Variants in CHRM3 observed in about 807,000 individuals in gnomAD.
CHRM3 encodes the protein cholinergic receptor muscarinic 3.
Under a neutral mutation model 41.8 loss-of-function variants are expected in CHRM3, and 11 were observed. The observed-to-expected ratio is 0.26, with a 90% CI of 0.17 to 0.44. The LOEUF is 0.44. CHRM3 is among the 20% of genes least tolerant of loss of function. The probability of loss-of-function intolerance (pLI) is 1.00; values close to 1 mark genes in which losing one functional copy is unlikely to be tolerated. For synonymous variants in CHRM3, 297 were observed against 301.4 expected, an observed-to-expected ratio of 0.99 and a Z score of 0.15; for missense variants, 571 against 745.4, an observed-to-expected ratio of 0.77 and a Z score of 2.72.
chr1:239,410,326 C>A (rs565779131), intron 1 of CHRM3, among the ~76,000 whole-genome samples: 1 of 152,268 alleles, frequency 6.6e-6, no homozygotes, highest in African/African-American at 2.4e-5. Context: ...TTCTCCTAAG[C>A]AGCTTTCCGC....
intron 5 of CHRM3, among the ~76,000 whole-genome samples, chr1:239,774,333 T>C (rs533535666): frequency 6.6e-6 from 1 of 152,288 alleles, no homozygotes; most frequent in African/African-American, 2.4e-5. Flanking sequence ...ATAGTCGTAG[T>C]AGGAATACCT....
intron 1 of CHRM3, among the ~76,000 whole-genome samples, chr1:239,407,845 AAAGG>A (rs1436773043): frequency 6.6e-6 from 1 of 152,224 alleles, no homozygotes; most frequent in Non-Finnish European, 1.5e-5. Flanking sequence ...TATACATTAA[AAAGG>A]AAGTAAAGAA....
chr1:239,722,569 T>C (rs1272637423), intron 5 of CHRM3, among the ~76,000 whole-genome samples: 1 of 151,970 alleles, frequency 6.6e-6, no homozygotes, highest in African/African-American at 2.4e-5. Context: ...TTTTTCTTCA[T>C]TGCATTATTA....
chr1:239,741,221 C>T (rs935161446), intron 5 of CHRM3, among the ~76,000 whole-genome samples: 1 of 152,066 alleles, frequency 6.6e-6, no homozygotes. Context: ...ATGTTTTGAT[C>T]TGGTGAAGAT....
intron 3 of CHRM3, among the ~76,000 whole-genome samples, chr1:239,554,369 AC>A: frequency 6.6e-6 from 1 of 152,244 alleles, no homozygotes; most frequent in Non-Finnish European, 1.5e-5. Flanking sequence ...CAAACTATAG[AC>A]AAAGTGCCTG....
chr1:239,528,841 C>T (rs1033841789), intron 2 of CHRM3, among the ~76,000 whole-genome samples: 14 of 151,776 alleles, frequency 9.2e-5, no homozygotes, highest in East Asian at 3.9e-4. Flanking sequence ...TGCAGTGAGC[C>T]GAGATCACAC....
chr1:239,638,303 G>T (rs1670712351), intron 4 of CHRM3, among the ~76,000 whole-genome samples: 2 of 151,926 alleles, frequency 1.3e-5, no homozygotes, highest in Admixed American at 6.6e-5. Context: ...GGGTCAAATG[G>T]TATTTCTAGT....
chr1:239,725,510 A>G (rs955178427), intron 5 of CHRM3, among the ~76,000 whole-genome samples: 1 of 151,970 alleles, frequency 6.6e-6, no homozygotes, highest in Non-Finnish European at 1.5e-5. Context: ...AAAATGTCTC[A>G]CTGAATAAAT....
intron 5 of CHRM3, among the ~76,000 whole-genome samples, chr1:239,757,516 G>T (rs112780390): frequency 0.016 from 2,435 of 152,032 alleles, 66 homozygotes; most frequent in African/African-American, 0.056. Context: ...TGTAGTCCCA[G>T]GTACTCGGGA....
In CHRM3 at chr1:239,861,440, C is replaced by T. The variant is rs150496011; in HGVS notation, c.-20+34062C>T. On this transcript the variant is annotated intron_variant, in intron 6 of 6. Transcript: ENST00000676153. ...AGGGAGAGGAAATAGTACAAGCAGA[C>T]GATATGGTAAAAAAGAAACATGACC... 5.5e-4 allele frequency among the ~76,000 whole-genome samples: 84 copies of T among 151,830 alleles called. 1 individual carries two copies. The highest frequency in any genetic ancestry group is 4.7e-3 in the East Asian group (24 of 5,132).
chr1:239,493,840 G>A (rs889119117), intron 2 of CHRM3, among the ~76,000 whole-genome samples: 4 of 152,134 alleles, frequency 2.6e-5, no homozygotes, highest in Non-Finnish European at 5.9e-5. Context: ...TGAACCTGAT[G>A]CAGGAAAGGC....
At chr1:239,710,541 A>G (rs1661665741) in intron 5 of CHRM3, among the ~76,000 whole-genome samples, 3 of 152,088 alleles carry the variant, frequency 2.0e-5, no homozygotes, top group South Asian at 4.1e-4. Flanking sequence ...GCAGGAGGGT[A>G]TGAGGAGATG....
chr1:239,609,729 A>G (rs1027986304), intron 3 of CHRM3, among the ~76,000 whole-genome samples: 3 of 152,114 alleles, frequency 2.0e-5, no homozygotes, highest in Non-Finnish European at 4.4e-5. Flanking sequence ...GCATTTCCCT[A>G]ATGACCCATG....
chr1:239,388,572 T>C (rs1175846906), intron 1 of CHRM3, among the ~76,000 whole-genome samples: 3 of 152,252 alleles, frequency 2.0e-5, no homozygotes, highest in Non-Finnish European at 4.4e-5. Flanking sequence ...AGAGAGACTA[T>C]GAACATATAG....
At chr1:239,772,202 G>A (rs977103978) in intron 5 of CHRM3, among the ~76,000 whole-genome samples, 2 of 151,952 alleles carry the variant, frequency 1.3e-5, no homozygotes, top group Non-Finnish European at 2.9e-5. Context: ...CCGGGCTGAA[G>A]TGCAATGGCG....
intron 5 of CHRM3, among the ~76,000 whole-genome samples, chr1:239,782,681 T>C (rs1233595614): frequency 6.6e-6 from 1 of 152,114 alleles, no homozygotes; most frequent in African/African-American, 2.4e-5. Context: ...GCTCCTTTTC[T>C]ACTTTTCTAA....
At chr1:239,632,801 C>T (rs888511393) in intron 4 of CHRM3, among the ~76,000 whole-genome samples, 1 of 152,194 alleles carries the variant, frequency 6.6e-6, no homozygotes, top group East Asian at 1.9e-4. Flanking sequence ...TAACATCTTA[C>T]CCTAAATCCA....
intron 2 of CHRM3, among the ~76,000 whole-genome samples, chr1:239,522,271 G>A (rs549672111): frequency 1.1e-3 from 168 of 152,338 alleles, no homozygotes; most frequent in Non-Finnish European, 1.8e-3. Flanking sequence ...GGATCTTGAA[G>A]AAACCCTGGA....
At chr1:239,784,927 C>G (rs1050059627) in intron 5 of CHRM3, among the ~76,000 whole-genome samples, 1 of 152,128 alleles carries the variant, frequency 6.6e-6, no homozygotes, top group Non-Finnish European at 1.5e-5. Context: ...CTTTTTAGTT[C>G]TTTCATTTCT....
Sources: allele counts gnomAD v4.1 joint callset (sites outside exome capture counted in the v4.1 genomes callset), GRCh38; gene constraint gnomAD v4.1.1; transcripts MANE v1.5; gene names NCBI Gene and HGNC (gene_info 2026-07-23, HGNC 2026-07-21).